The following RADIL variants were observed in gnomAD, a reference collection of about 807,000 sequenced individuals.
RADIL encodes Rap associating with DIL domain.
Under a neutral mutation model 97.6 loss-of-function variants are expected in RADIL, and 99 were observed. The ratio of observed to expected loss-of-function variants is 1.01; its 90% CI spans 0.86 to 1.20. The LOEUF is 1.20. Ranked by LOEUF, RADIL falls within the 50% of genes most tolerant of loss-of-function variation. The probability of loss-of-function intolerance (pLI) is 0.00; values close to 1 mark genes in which losing one functional copy is unlikely to be tolerated. For synonymous variants in RADIL, 803 were observed against 691.8 expected (o/e 1.16, Z -2.52); for missense variants, 1,765 against 1,498.9 (o/e 1.18, Z -2.93).
In RADIL at chr7:4,824,144, C is replaced by T. The variant is rs866429821; in HGVS notation, c.1455-1590G>A. 6.6e-6 allele frequency among the ~76,000 whole-genome samples: 1 copy of T among 152,228 alleles called. No individual in the cohort carries two copies. The highest frequency in any genetic ancestry group is 1.5e-5 in the Non-Finnish European group (1 of 68,036). On this transcript the variant is annotated intron_variant, in intron 5 of 14. Coordinates refer to ENST00000399583, the MANE Select transcript of RADIL (RefSeq NM_018059.5). This position sits in a 1 kb window ranked among gnomAD's most constrained non-coding sequence, Gnocchi z 6.7. The stretch of plus-strand genomic sequence containing the variant: ...TTGGGTCTGCCTGGGGTGTGGAGGG[C>T]GGCCCTGCTGCCTGCCCCATGGCTG...
rs142742666 is a variant in RADIL, at chr7:4,815,061, C to T, written c.2139+217G>A. Among the ~76,000 whole-genome samples the T allele has an allele frequency of 1.1e-4, 16 of 152,286 alleles. No individual in the cohort carries two copies. The South Asian group carries it at 1.2e-3, about 12-fold the overall frequency. On this transcript the variant is annotated intron_variant, in intron 9 of 14. Coordinates refer to ENST00000399583, the MANE Select transcript of RADIL (RefSeq NM_018059.5). This position sits in a 1 kb window ranked among gnomAD's most constrained non-coding sequence, Gnocchi z 8.0. Reference sequence around the variant, plus strand: ...GGGGTAATACGGTCACAGGGTAAGACGGTCACGGGTCTCAGACATCTTTGG... The same window carrying T: ...GGGGTAATACGGTCACAGGGTAAGATGGTCACGGGTCTCAGACATCTTTGG...
intron 2 of RADIL, among the ~76,000 whole-genome samples, chr7:4,874,734 A>G (rs1206175729): frequency 6.6e-6 from 1 of 152,122 alleles, no homozygotes; most frequent in African/African-American, 2.4e-5. Flanking sequence ...GCTCGCCCTG[A>G]ATAATTTAAC....
chr7:4,809,167 C>T (rs140055741), intron 9 of RADIL: 28,826 of 985,208 alleles, frequency 0.029, 472 homozygotes, highest in Non-Finnish European at 0.032. Context: ...TCTGGAAGAC[C>T]CCTGGCGCTG....
At chr7:4,799,855 A>C in intron 13 of RADIL, 86 bp from the exon 14 acceptor site, 2 of 1,431,414 alleles carry the variant, frequency 1.4e-6, no homozygotes, top group Non-Finnish European at 1.8e-6. Context: ...CTTGGCACCT[A>C]CAGGCCCCCG....
rs11973689 is a variant in RADIL at position 4,866,065 on chromosome 7, A to G, written c.535+11540T>C. On this transcript the variant is annotated intron_variant, in intron 2 of 14. Coordinates refer to ENST00000399583, the MANE Select transcript of RADIL (RefSeq NM_018059.5). ...TGCCTAATCATGGATTTCTCAAAAC[A>G]TATCACCATCATTAACGATGCATGA... 3.4e-3 allele frequency among the ~76,000 whole-genome samples: 523 copies of G among 152,362 alleles called. 3 individuals carry two copies. Among genetic ancestry groups the G allele is most frequent in the African/African-American group, 0.012 (494 of 41,588 alleles).
chr7:4,839,914 T>C (rs1186304893), intron 2 of RADIL, among the ~76,000 whole-genome samples: 1 of 152,074 alleles, frequency 6.6e-6, no homozygotes, highest in Non-Finnish European at 1.5e-5. Flanking sequence ...GCTGGGCTAA[T>C]TTTTTTATCT....
At position 4,834,812 on chromosome 7, in the gene RADIL, T is replaced by C; in HGVS notation, c.1211A>G (p.Gln404Arg). 2 of 1,325,366 alleles carry C rather than the reference T, an allele frequency of 1.5e-6. No homozygotes were observed. The highest frequency in any genetic ancestry group is 1.9e-6 in the Non-Finnish European group (2 of 1,033,658). The allele number at this position is 1,325,366 out of a possible 1,614,324, so 82.1% of individuals were successfully genotyped here. A position where few individuals can be genotyped will look rare whatever the true frequency, so the allele number is the denominator to read the frequency against. The change falls in exon 4 of 15, where the codon CAG becomes CGG. Residue 404 changes from glutamine to arginine, a missense_variant. By Grantham distance (43) the Gln-to-Arg change is conservative. Coordinates refer to ENST00000399583, the MANE Select transcript of RADIL (RefSeq NM_018059.5). The surrounding 1 kb of genome is among the most constrained non-coding windows in gnomAD (Gnocchi z 6.0). The part of the protein sequence containing the change: ...PTQAALPRRQ[Q>R]LLLEFEPHLE... ...GTGGGGCTCAAACTCCAGGAGCAGCTGCTGGCGCCGGGGCAGGGCGGCCTG... is the reference window on the plus strand; with the variant it reads ...GTGGGGCTCAAACTCCAGGAGCAGCCGCTGGCGCCGGGGCAGGGCGGCCTG...
chr7:4,831,485 A>T (rs1043769125), intron 5 of RADIL, among the ~76,000 whole-genome samples: 1 of 151,760 alleles, frequency 6.6e-6, no homozygotes, highest in Non-Finnish European at 1.5e-5. Flanking sequence ...CCCGCACGAC[A>T]TAAGTTTACC....
At chr7:4,800,990 C>T (rs763168789) in intron 12 of RADIL, among the ~76,000 whole-genome samples, 3 of 152,228 alleles carry the variant, frequency 2.0e-5, no homozygotes, top group Non-Finnish European at 4.4e-5. Context: ...CCTCAATGCC[C>T]TCCCCAGCCT....
chr7:4,837,784 T>C lies in RADIL; in HGVS notation c.536-1179A>G, dbSNP rs995893248. On this transcript the variant is annotated intron_variant, in intron 2 of 14. Coordinates refer to ENST00000399583, the MANE Select transcript of RADIL (RefSeq NM_018059.5). The surrounding 1 kb of genome is among the most constrained non-coding windows in gnomAD (Gnocchi z 5.6). Reference sequence around the variant, plus strand: ...AATACAGACACGCTCTCTAAATGCATGCTCTGGGAAAGCCAGCCGGCTGCG... The same window carrying C: ...AATACAGACACGCTCTCTAAATGCACGCTCTGGGAAAGCCAGCCGGCTGCG... 1 of 948,270 alleles carries C rather than the reference T, an allele frequency of 1.1e-6. No homozygotes were observed. The highest frequency in any genetic ancestry group is 1.3e-6 in the Non-Finnish European group (1 of 796,468). 58.7% of individuals were successfully genotyped at this position (948,270 alleles called of 1,614,324 possible).
intron 3 of RADIL, among the ~76,000 whole-genome samples, chr7:4,836,155 A>G (rs1055931224): frequency 6.6e-6 from 1 of 152,202 alleles, no homozygotes; most frequent in African/African-American, 2.4e-5. Context: ...ACTGCCGCCC[A>G]CCGTGGCCTG....
chr7:4,851,488 G>A (rs545492142), intron 2 of RADIL, among the ~76,000 whole-genome samples: 87 of 152,300 alleles, frequency 5.7e-4, no homozygotes, highest in Non-Finnish European at 1.1e-3. Context: ...AAACCTAGAT[G>A]GCTCACAAGA....
At chr7:4,876,655 T>C (rs144257750) in intron 2 of RADIL, among the ~76,000 whole-genome samples, 2,118 of 152,310 alleles carry the variant, frequency 0.014, 33 homozygotes, top group South Asian at 0.069. Context: ...TTTCCACCAA[T>C]TGAATAAATC....
chr7:4,829,225 G>A (rs916748672), intron 5 of RADIL, among the ~76,000 whole-genome samples: 46 of 152,186 alleles, frequency 3.0e-4, no homozygotes, highest in South Asian at 6.2e-4. Flanking sequence ...GATGCTATCC[G>A]GGGCCTGGCT....
intron 5 of RADIL, among the ~76,000 whole-genome samples, chr7:4,825,355 AG>A (rs985600139): frequency 2.6e-5 from 4 of 152,342 alleles, no homozygotes; most frequent in Admixed American, 6.5e-5. Flanking sequence ...AAACACTCGC[AG>A]GGCCCACAAG....
chr7:4,815,415 C>T lies in RADIL; in HGVS notation c.2002G>A (p.Val668Ile). The T allele has an allele frequency of 2.6e-6, 4 of 1,556,314 alleles. No homozygotes were observed. Among genetic ancestry groups the T allele is most frequent in the Non-Finnish European group, 3.5e-6 (4 of 1,149,406 alleles). ...TGCTGCAGGCGGGCGCAGGCCTGGACACCTCTGGGCCAGTGGAAGCAGCTC... is the reference window on the plus strand; with the variant it reads ...TGCTGCAGGCGGGCGCAGGCCTGGATACCTCTGGGCCAGTGGAAGCAGCTC... ...SLSCFHWPRG[V>I]QACARLQQLL... is the part of the protein sequence containing the mutation. The change falls in exon 9 of 15, where the codon GTC becomes ATC. Residue 668 changes from valine to isoleucine, a missense_variant. Physicochemically the swap from Val to Ile is conservative, Grantham distance 29 (BLOSUM62 3). Coordinates refer to ENST00000399583, the MANE Select transcript of RADIL (RefSeq NM_018059.5). The surrounding 1 kb of genome is among the most constrained non-coding windows in gnomAD (Gnocchi z 8.0).
At chr7:4,861,860 G>T (rs774932727) in intron 2 of RADIL, 1 of 544,562 alleles carries the variant, frequency 1.8e-6, no homozygotes. Context: ...CGCGACCTTC[G>T]CGGCCGCCGC....
chr7:4,807,462 C>T (rs544713248), intron 9 of RADIL, among the ~76,000 whole-genome samples: 42 of 151,922 alleles, frequency 2.8e-4, no homozygotes, highest in Admixed American at 2.6e-3. Context: ...GAACTCTCCT[C>T]CTTCTTCCCT....
chr7:4,864,795 C>G (rs1041895159), intron 2 of RADIL, among the ~76,000 whole-genome samples: 13 of 152,308 alleles, frequency 8.5e-5, no homozygotes, highest in African/African-American at 2.6e-4. Flanking sequence ...AAGCCACCAT[C>G]AACTCTCATT....
Sources: gnomAD v4.1 joint callset for allele counts (sites outside exome capture counted in the v4.1 genomes callset) on GRCh38, gnomAD v4.1.1 for gene constraint, Gnocchi (gnomAD v3.1) non-coding constraint, MANE v1.5 for transcripts, NCBI Gene and HGNC (gene_info 2026-07-23, HGNC 2026-07-21) for gene names.